The following SMC2 variants were observed in gnomAD, a reference collection of about 807,000 sequenced individuals.
SMC2 encodes the protein structural maintenance of chromosomes 2, also known as structural maintenance of chromosomes protein 2.
Under a neutral mutation model 142.6 loss-of-function variants are expected in SMC2, and 41 were observed. The ratio of observed to expected loss-of-function variants is 0.29; its 90% CI spans 0.22 to 0.37. SMC2 has a LOEUF of 0.37. SMC2 is among the 10% of genes least tolerant of loss of function. The probability of loss-of-function intolerance (pLI) is 1.00; values close to 1 mark genes in which losing one functional copy is unlikely to be tolerated. For missense variants in SMC2, 1,265 were observed against 1,373.7 expected (o/e 0.92, Z 1.25); for synonymous variants, 463 against 457.5 (o/e 1.01, Z -0.15).
At position 104,097,562 on chromosome 9, in the gene SMC2, A is replaced by G. The variant is rs1390134170; in HGVS notation, c.319-884A>G. 4.0e-5 allele frequency among the ~76,000 whole-genome samples: 6 copies of G among 150,458 alleles called. No homozygotes were observed. The East Asian group carries it at 7.8e-4, about 19-fold the overall frequency. On this transcript the variant is annotated intron_variant, in intron 3 of 24. Transcript: ENST00000374793. Reference sequence around the variant, plus strand: ...CCACGTTAGGACAGAATCCTGTTCCATGTCATTAGGCATCCATCAAATATT... The same window carrying G: ...CCACGTTAGGACAGAATCCTGTTCCGTGTCATTAGGCATCCATCAAATATT...
chr9:104,138,822 C>T (rs1419410472), intron 24 of SMC2, among the ~76,000 whole-genome samples: 4 of 152,016 alleles, frequency 2.6e-5, no homozygotes, highest in Admixed American at 1.3e-4. Flanking sequence ...AACTTGAAAC[C>T]TTCTTTGATA....
At chr9:104,126,888 A>C in intron 19 of SMC2, 104 bp downstream of exon 19, 2 of 1,144,572 alleles carry the variant, frequency 1.7e-6, no homozygotes, top group Non-Finnish European at 2.4e-6. Flanking sequence ...TTCACTCGTC[A>C]TCATGAGAGA....
Position 104,123,227 on chromosome 9 carries a change from C to T in SMC2, c.2252C>T (p.Thr751Ile), listed in dbSNP as rs1564103092. 2 of 1,611,464 alleles carry T rather than the reference C, an allele frequency of 1.2e-6. No individual in the cohort carries two copies. Among genetic ancestry groups the T allele is most frequent in the Non-Finnish European group, 1.7e-6 (2 of 1,178,710 alleles). Residue 751 changes from threonine to isoleucine, a missense_variant, in exon 17 of 25, where the codon ACC (threonine) becomes ATC (isoleucine). Coordinates refer to ENST00000374793, the MANE Select transcript of SMC2 (RefSeq NM_006444.3). ...GAAGAATTAGATGCCCTTAAAAAAA[C>T]CATTGGTAAGATGAAAACAGTCCAT... ...QQEELDALKK[T>I]IEESEETLKN...
chr9:104,098,599 C>G, intron 4 of SMC2, 31 bp downstream of exon 4: 3 of 1,563,184 alleles, frequency 1.9e-6, no homozygotes, highest in Non-Finnish European at 1.7e-6. Flanking sequence ...ATATCACTTT[C>G]GTAATAGTTT....
upstream of SMC2, among the ~76,000 whole-genome samples, chr9:104,091,845 A>G (rs1226769805): frequency 1.0e-5 from 1 of 97,992 alleles, no homozygotes; most frequent in Non-Finnish European, 2.1e-5. Flanking sequence ...TTGTGGCTGT[A>G]TGTGTGTCCT....
intron 9 of SMC2, among the ~76,000 whole-genome samples, 171 bp from the exon 10 acceptor site, chr9:104,111,410 A>G (rs1035153647): frequency 9.9e-5 from 15 of 152,228 alleles, no homozygotes; most frequent in African/African-American, 3.6e-4. Context: ...CTAAAAACTG[A>G]GAGTGAATTT....
chr9:104,115,688 A>G (rs1337553745), intron 13 of SMC2, among the ~76,000 whole-genome samples: 1 of 152,166 alleles, frequency 6.6e-6, no homozygotes, highest in Non-Finnish European at 1.5e-5. Flanking sequence ...CACCTTCCAT[A>G]GTTACCTTTT....
rs771405013 is a variant in SMC2, at chr9:104,123,266, T to A, written c.2257+34T>A. 10 of 1,600,102 alleles carry A rather than the reference T, an allele frequency of 6.2e-6. No individual in the cohort carries two copies. The East Asian group carries it at 2.3e-4, about 36-fold the overall frequency. ...AAAACAGTCCATGCTTAATCTCTGG[T>A]TTTATTCATATCCGTTACCTTACTT... On this transcript the variant is annotated intron_variant, in intron 17 of 24. Coordinates refer to ENST00000374793, the MANE Select transcript of SMC2 (RefSeq NM_006444.3).
rs1350341000 is a variant in SMC2 at position 104,126,759 on chromosome 9, T to C, written c.2570T>C (p.Met857Thr). 1 of 1,607,046 alleles carries C rather than the reference T, an allele frequency of 6.2e-7. No individual in the cohort carries two copies. The highest frequency in any genetic ancestry group is 8.5e-7 in the Non-Finnish European group (1 of 1,178,412). ...TCCTATGAAAGTCAGATTGAAGTAA[T>C]GGCAGCTGAGGTGGCTAAAAATAAG... Reference protein sequence around the residue: ...IKSYESQIEVMAAEVAKNKES... With the variant: ...IKSYESQIEVTAAEVAKNKES... The change falls in exon 19 of 25, where the codon ATG becomes ACG. Residue 857 changes from methionine (M) to threonine (T), a missense_variant. Physicochemically the swap from Met to Thr is moderately conservative, Grantham distance 81 (BLOSUM62 -1). This residue lies in a region of SMC2 where 898 missense variants were observed against 904.2 expected (regional missense o/e 0.99). Transcript: ENST00000374793.
chr9:104,116,468 A>G (rs1257607715), intron 14 of SMC2, 149 bp downstream of exon 14: 6 of 631,492 alleles, frequency 9.5e-6, no homozygotes, highest in Non-Finnish European at 1.5e-5. Context: ...ATTAGATGAT[A>G]AGAGAATAGA....
In SMC2 at chr9:104,098,510, A is replaced by G; in HGVS notation, c.383A>G (p.Gln128Arg). The change falls in exon 4 of 25, where the codon CAG becomes CGG. Residue 128 changes from glutamine to arginine, a missense_variant. Coordinates refer to ENST00000374793, the MANE Select transcript of SMC2 (RefSeq NM_006444.3). ...GTCAATGCCAACAACACCAGAGTAC[A>G]GGATCTCTTCTGTTCTGTTGGCCTT... ...NGVNANNTRV[Q>R]DLFCSVGLNV... is the part of the protein sequence containing the mutation. The G allele has an allele frequency of 1.2e-6, 2 of 1,602,150 alleles. No homozygotes were observed. The highest frequency in any genetic ancestry group is 1.1e-5 in the South Asian group (1 of 88,498).
intron 22 of SMC2, among the ~76,000 whole-genome samples, chr9:104,132,729 A>T (rs1835119116): frequency 6.6e-6 from 1 of 151,900 alleles, no homozygotes; most frequent in Non-Finnish European, 1.5e-5. Flanking sequence ...CTTCTCTAAG[A>T]CTTATTTTCA....
chr9:104,124,374 A>G (rs1834043561), intron 17 of SMC2, among the ~76,000 whole-genome samples: 1 of 152,060 alleles, frequency 6.6e-6, no homozygotes, highest in African/African-American at 2.4e-5. Context: ...GGCATGAACT[A>G]CCACGCCTGA....
At chr9:104,120,827 G>C (rs1192903348) in intron 16 of SMC2, among the ~76,000 whole-genome samples, 1 of 152,072 alleles carries the variant, frequency 6.6e-6, no homozygotes, top group Non-Finnish European at 1.5e-5. Flanking sequence ...AACATTTATT[G>C]AGTGCCTCCT....
Position 104,130,530 on chromosome 9 carries a change from T to A in SMC2, c.2991+685T>A, listed in dbSNP as rs370507472. Among the ~76,000 whole-genome samples, 28 of 152,256 alleles carry A rather than the reference T, an allele frequency of 1.8e-4. No homozygotes were observed. In the East Asian group the frequency reaches 5.2e-3, roughly 28 times the overall value. On this transcript the variant is annotated intron_variant, in intron 21 of 24. Transcript: ENST00000374793. ...TTGAATTTGCAAATCAGAGTAAAATTCATGAGAAATCTGCGACACTGATAA... is the reference window on the plus strand; with the variant it reads ...TTGAATTTGCAAATCAGAGTAAAATACATGAGAAATCTGCGACACTGATAA...
chr9:104,116,448 G>A, intron 14 of SMC2, 129 bp downstream of exon 14: 2 of 794,708 alleles, frequency 2.5e-6, no homozygotes, highest in Non-Finnish European at 1.9e-6. Context: ...AAATTGGGTT[G>A]GCTTGTGCAA....
chr9:104,119,094 C>G (rs1311434835), intron 15 of SMC2, among the ~76,000 whole-genome samples: 2 of 152,098 alleles, frequency 1.3e-5, no homozygotes, highest in Non-Finnish European at 2.9e-5. Flanking sequence ...CTTGAGGTAT[C>G]AAGTGACTTA....
At chr9:104,096,012 G>A in intron 2 of SMC2, 136 bp from the exon 3 acceptor site, 1 of 693,508 alleles carries the variant, frequency 1.4e-6, no homozygotes, top group Non-Finnish European at 2.4e-6. Flanking sequence ...TCTTGCCAGA[G>A]GATGCAGCTG....
intron 9 of SMC2, among the ~76,000 whole-genome samples, chr9:104,106,434 G>C (rs1190622812): frequency 1.3e-5 from 2 of 151,688 alleles, no homozygotes; most frequent in African/African-American, 4.8e-5. Context: ...TGTTGCCCAG[G>C]CTGGAGTGCA....
Sources: gnomAD v4.1 joint callset for allele counts (sites outside exome capture counted in the v4.1 genomes callset) on GRCh38, gnomAD v4.1.1 for gene constraint, gnomAD v4.1.1 regional missense constraint, MANE v1.5 for transcripts, NCBI Gene and HGNC (gene_info 2026-07-23, HGNC 2026-07-21) for gene names.